Variants in ARHGAP42 observed in about 807,000 individuals in gnomAD.
The protein encoded by ARHGAP42 is Rho GTPase activating protein 42.
ARHGAP42 carries 63 observed loss-of-function variants against 125.0 expected under a neutral mutation model. That is an observed-to-expected ratio of 0.50 (90% CI 0.41 to 0.62). The LOEUF is 0.62. ARHGAP42 is among the 20% of genes least tolerant of loss of function. The probability of loss-of-function intolerance (pLI) is 0.00; values close to 1 mark genes in which losing one functional copy is unlikely to be tolerated. For missense variants in ARHGAP42, 766 were observed against 1,024.2 expected, an observed-to-expected ratio of 0.75 and a Z score of 3.44; for synonymous variants, 339 against 351.0, an observed-to-expected ratio of 0.97 and a Z score of 0.38.
chr11:100,778,872 A>G (rs1239715871), intron 2 of ARHGAP42, among the ~76,000 whole-genome samples: 2 of 152,150 alleles, frequency 1.3e-5, no homozygotes, highest in Non-Finnish European at 2.9e-5. Context: ...TTAATCCCCT[A>G]AAACCTCATT....
intron 2 of ARHGAP42, among the ~76,000 whole-genome samples, chr11:100,779,565 TATATACGTATATATAC>T (rs1863244107): frequency 1.4e-5 from 2 of 147,414 alleles, no homozygotes; most frequent in Admixed American, 1.4e-4. Flanking sequence ...TACATACGTA[TATATACGTATATATAC>T]ATATATACGT....
intron 4 of ARHGAP42, among the ~76,000 whole-genome samples, chr11:100,913,221 A>G (rs551169149): frequency 6.6e-6 from 1 of 152,250 alleles, no homozygotes; most frequent in East Asian, 1.9e-4. Context: ...CTGTTTGTTT[A>G]TACATGGATT....
intron 1 of ARHGAP42, among the ~76,000 whole-genome samples, chr11:100,697,224 C>T (rs1186170869): frequency 6.6e-6 from 1 of 151,954 alleles, no homozygotes; most frequent in Non-Finnish European, 1.5e-5. Flanking sequence ...GCTCTGTCGC[C>T]CAGGCTGGAG....
chr11:100,774,425 C>G (rs1036761031), intron 2 of ARHGAP42, among the ~76,000 whole-genome samples: 2 of 152,194 alleles, frequency 1.3e-5, no homozygotes, highest in Non-Finnish European at 2.9e-5. Flanking sequence ...GAGGTAGGGA[C>G]AGCTGTGACT....
chr11:100,813,605 A>C lies in ARHGAP42; in HGVS notation c.312+18439A>C, dbSNP rs1864198925. On this transcript the variant is annotated intron_variant, in intron 3 of 23. Coordinates refer to ENST00000298815, the MANE Select transcript of ARHGAP42 (RefSeq NM_152432.4). ...TGAGATTATGCAGAGAGTGAGAGTG[A>C]ATTAGGTGATGAGCTCCTTTGACTC... Among the ~76,000 whole-genome samples the C allele has an allele frequency of 2.6e-5, 4 of 152,236 alleles. No homozygotes were observed. In the South Asian group the frequency reaches 8.3e-4, roughly 32 times the overall value.
chr11:100,939,763 C>T (rs1209740059), intron 8 of ARHGAP42, among the ~76,000 whole-genome samples: 2 of 152,130 alleles, frequency 1.3e-5, no homozygotes, highest in African/African-American at 4.8e-5. Flanking sequence ...AACATCTGCC[C>T]TGGCCTAGTG....
chr11:100,935,867 G>A (rs144539490), intron 7 of ARHGAP42, among the ~76,000 whole-genome samples: 3 of 152,144 alleles, frequency 2.0e-5, no homozygotes, highest in Non-Finnish European at 2.9e-5. Context: ...GGCCGGTCAG[G>A]TGGCTCACAC....
intron 1 of ARHGAP42, among the ~76,000 whole-genome samples, chr11:100,738,217 T>C (rs1038358999): frequency 6.6e-6 from 1 of 152,218 alleles, no homozygotes; most frequent in Non-Finnish European, 1.5e-5. Flanking sequence ...ATTACAATGC[T>C]TCAGAGGCAA....
intron 2 of ARHGAP42, 68 bp from the exon 3 acceptor site, chr11:100,795,037 C>T: frequency 8.2e-7 from 1 of 1,224,918 alleles, no homozygotes; most frequent in Non-Finnish European, 1.1e-6. Flanking sequence ...TGTAATGTTT[C>T]TTCTTGAGTA....
chr11:100,921,233 ATATATATATATATTTTTTTTTTTT>A (rs1197660319), intron 5 of ARHGAP42, among the ~76,000 whole-genome samples: 112 of 38,438 alleles, frequency 2.9e-3, no homozygotes, highest in Middle Eastern at 0.014. Flanking sequence ...ATATATATAT[ATATATATATATATTTTTTTTTTTT>A]TTTTTTTTTT....
At chr11:100,732,877 CT>C (rs1194713439) in intron 1 of ARHGAP42, among the ~76,000 whole-genome samples, 1 of 152,070 alleles carries the variant, frequency 6.6e-6, no homozygotes, top group African/African-American at 2.4e-5. Flanking sequence ...TCTTGAGATA[CT>C]TTTTATACTA....
At chr11:100,915,992 C>T (rs188985564) in intron 5 of ARHGAP42, among the ~76,000 whole-genome samples, 1 of 152,296 alleles carries the variant, frequency 6.6e-6, no homozygotes, top group Non-Finnish European at 1.5e-5. Flanking sequence ...CAGCACCAAG[C>T]TTATTAACTT....
At chr11:100,814,324 C>T (rs550169387) in intron 3 of ARHGAP42, among the ~76,000 whole-genome samples, 2 of 146,594 alleles carry the variant, frequency 1.4e-5, no homozygotes, top group African/African-American at 5.1e-5. Flanking sequence ...GATCACACCA[C>T]TGCACTCCAA....
chr11:100,792,245 T>C (rs1301158240), intron 2 of ARHGAP42, among the ~76,000 whole-genome samples: 1 of 152,232 alleles, frequency 6.6e-6, no homozygotes, highest in Non-Finnish European at 1.5e-5. Context: ...ATTTAGCCCT[T>C]TGGGAAATTT....
In ARHGAP42 at chr11:100,921,513, G is replaced by A. The variant is rs1452432158; in HGVS notation, c.506G>A (p.Arg169Gln). ...CTTTAGGCAGATACACAAATTGACC[G>A]AGAACATCAGAACTTCTATGAAGCA... ...HLQEADTQID[R>Q]EHQNFYEASL... Residue 169 changes from arginine (R) to glutamine (Q), a missense_variant, in exon 6 of 24, where the codon CGA becomes CAA. Coordinates refer to ENST00000298815, the MANE Select transcript of ARHGAP42 (RefSeq NM_152432.4). The A allele has an allele frequency of 8.4e-6, 13 of 1,545,550 alleles. No individual in the cohort carries two copies. The highest frequency in any genetic ancestry group is 3.6e-5 in the South Asian group (3 of 83,100).
In ARHGAP42 at chr11:100,992,362, C is replaced by G. The variant is rs371713131; in HGVS notation, c.*3561C>G. On this transcript the variant is annotated 3_prime_UTR_variant, in exon 24 of 24. Coordinates refer to ENST00000298815, the MANE Select transcript of ARHGAP42 (RefSeq NM_152432.4). ...GAAATCACATCTCCTGGTCAGGTCA[C>G]GAAAAAGAACACAGGCTTGACTATT... 16 of 1,613,620 alleles carry G rather than the reference C, an allele frequency of 9.9e-6. No homozygotes were observed. The African/African-American group carries it at 1.9e-4, about 19-fold the overall frequency.
chr11:100,740,049 A>G (rs868161903), intron 1 of ARHGAP42, among the ~76,000 whole-genome samples: 1 of 150,994 alleles, frequency 6.6e-6, no homozygotes, highest in South Asian at 2.1e-4. Context: ...CCTGCAAGTT[A>G]AAGGGTTATT....
chr11:100,754,736 A>G (rs1862533677), intron 1 of ARHGAP42, among the ~76,000 whole-genome samples: 1 of 152,180 alleles, frequency 6.6e-6, no homozygotes, highest in African/African-American at 2.4e-5. Context: ...CCCATACCCC[A>G]TTCTAAACTC....
intron 5 of ARHGAP42, among the ~76,000 whole-genome samples, chr11:100,914,124 G>A (rs1213828564): frequency 4.0e-5 from 6 of 151,896 alleles, no homozygotes; most frequent in Non-Finnish European, 8.8e-5. Context: ...TAATGGAGAC[G>A]GGGTTTCACC....
Sources: allele counts gnomAD v4.1 joint callset (sites outside exome capture counted in the v4.1 genomes callset), GRCh38; gene constraint gnomAD v4.1.1; transcripts MANE v1.5; gene names NCBI Gene and HGNC (gene_info 2026-07-23, HGNC 2026-07-21).